Variants in KLF5 observed in about 807,000 individuals in gnomAD.
KLF5 encodes KLF transcription factor 5.
A neutral mutation model predicts 36.9 loss-of-function variants in KLF5; 9 were observed. That is an observed-to-expected ratio of 0.24 (90% CI 0.15 to 0.43). KLF5 has a LOEUF of 0.43. KLF5 is among the 20% of genes least tolerant of loss of function. The pLI is 1.00. For synonymous variants in KLF5, 246 were observed against 241.7 expected, an observed-to-expected ratio of 1.02 and a Z score of -0.17; for missense variants, 524 against 599.5, an observed-to-expected ratio of 0.87 and a Z score of 1.31.
At position 73,075,925 on chromosome 13, in the gene KLF5, C is replaced by T. The variant is rs1449131505; in HGVS notation, c.*39C>T. ...GACCCGTTCCAGGTCCCCTGGGCTC[C>T]CTCAAATGACAGACCTAACTATTCC... On this transcript the variant is annotated 3_prime_UTR_variant, in exon 4 of 4. Transcript: ENST00000377687. The T allele has an allele frequency of 1.4e-6, 2 of 1,459,662 alleles. No individual in the cohort carries two copies. Among genetic ancestry groups the T allele is most frequent in the East Asian group, 2.4e-5 (1 of 41,268 alleles). The allele number at this position is 1,459,662 out of a possible 1,614,324, so 90.4% of individuals were successfully genotyped here.
chr13:73,059,745 C>A, intron 1 of KLF5, 157 bp downstream of exon 1: 1 of 667,586 alleles, frequency 1.5e-6, no homozygotes, highest in Non-Finnish European at 1.8e-6. Context: ...GCACGCCTGG[C>A]CGGGGCCCCG....
chr13:73,062,800 C>T (rs2044648978), intron 2 of KLF5, 66 bp downstream of exon 2: 80 of 1,379,394 alleles, frequency 5.8e-5, no homozygotes, highest in Non-Finnish European at 7.4e-5. Context: ...TCTGTGTGCG[C>T]GCGCGTGTGC....
Position 73,059,320 on chromosome 13 carries a change from G to A in KLF5, c.-8G>A, listed in dbSNP as rs1026970659. The A allele has an allele frequency of 8.7e-6, 12 of 1,373,884 alleles. No individual in the cohort carries two copies. The highest frequency in any genetic ancestry group is 1.1e-5 in the Non-Finnish European group (12 of 1,063,316). The allele number at this position is 1,373,884 out of a possible 1,614,324, so 85.1% of individuals were successfully genotyped here. ...GACCCGCGCCTGGAGCTGCGCCCCC[G>A]AGTGCCCATGGCTACAAGGGTGCTG... On this transcript the variant is annotated 5_prime_UTR_variant, in exon 1 of 4. Transcript: ENST00000377687.
chr13:73,075,892 GC>G lies in KLF5; in HGVS notation c.*9del. ...TGAAGAGGCACCAGAACTGAGCACTGCCCGTGTGACCCGTTCCAGGTCCCCT... is the reference window on the plus strand; with the variant it reads ...TGAAGAGGCACCAGAACTGAGCACTGCCGTGTGACCCGTTCCAGGTCCCCT... On this transcript the variant is annotated 3_prime_UTR_variant, in exon 4 of 4. Transcript: ENST00000377687. The G allele has an allele frequency of 6.4e-7, 1 of 1,556,624 alleles. No homozygotes were observed. The highest frequency in any genetic ancestry group is 1.7e-5 in the Admixed American group (1 of 58,928).
intron 1 of KLF5, among the ~76,000 whole-genome samples, chr13:73,060,368 A>G (rs1261600901): frequency 6.6e-6 from 1 of 152,138 alleles, no homozygotes; most frequent in African/African-American, 2.4e-5. Context: ...AAGGAAAAAA[A>G]AATTGGAAAC....
chr13:73,070,529 A>C (rs1566566026), intron 3 of KLF5, among the ~76,000 whole-genome samples: 1 of 152,216 alleles, frequency 6.6e-6, no homozygotes, highest in East Asian at 1.9e-4. Context: ...CTGGGAACCC[A>C]GAGGAGAAGT....
chr13:73,057,594 A>G (rs1052376494), upstream of KLF5, among the ~76,000 whole-genome samples: 13 of 152,196 alleles, frequency 8.5e-5, no homozygotes, highest in Admixed American at 7.2e-4. Context: ...ACATTTCTTT[A>G]TGTGCATATT....
intron 3 of KLF5, among the ~76,000 whole-genome samples, chr13:73,072,140 A>G (rs532678227): frequency 6.6e-6 from 1 of 152,292 alleles, no homozygotes; most frequent in South Asian, 2.1e-4. Context: ...TTTTAGGGAA[A>G]GGCCTTGGTA....
intron 3 of KLF5, chr13:73,075,149 G>A (rs2044750309): frequency 6.6e-6 from 1 of 152,234 alleles, no homozygotes; most frequent in Admixed American, 6.5e-5. Context: ...ACTGATTGAT[G>A]AGCTGCAAGC....
At chr13:73,061,164 C>T (rs2044632370) in intron 1 of KLF5, among the ~76,000 whole-genome samples, 1 of 152,134 alleles carries the variant, frequency 6.6e-6, no homozygotes, top group Non-Finnish European at 1.5e-5. Flanking sequence ...TGAATAGGAA[C>T]ATTTCATTAT....
rs374439079 is a variant in KLF5, at chr13:73,062,123, C to T, written c.524C>T (p.Thr175Met). The change falls in exon 2 of 4, where the codon ACG (threonine) becomes ATG (methionine). Residue 175 changes from threonine (T) to methionine (M), a missense_variant. By Grantham distance (81) the Thr-to-Met change is moderately conservative (BLOSUM62 -1). This residue lies in a region of KLF5 where 454 missense variants were observed against 458.1 expected (regional missense o/e 0.99). Coordinates refer to ENST00000377687, the MANE Select transcript of KLF5 (RefSeq NM_001730.5). ...PVAIFSHQSE[T>M]TAPPPAPTQA... The stretch of plus-strand genomic sequence containing the variant: ...GCCATTTTCAGCCACCAGAGTGAAA[C>T]GACTGCCCCTCCTCCGGCCCCGACC... The T allele has an allele frequency of 1.2e-6, 2 of 1,614,068 alleles. No individual in the cohort carries two copies. The highest frequency in any genetic ancestry group is 1.7e-6 in the Non-Finnish European group (2 of 1,180,010).
At chr13:73,059,672 G>A in intron 1 of KLF5, 84 bp downstream of exon 1, 1 of 1,034,776 alleles carries the variant, frequency 9.7e-7, no homozygotes, top group Non-Finnish European at 1.2e-6. Context: ...GACAGGGGCC[G>A]CTCCAGGCTG....
intron 3 of KLF5, among the ~76,000 whole-genome samples, chr13:73,072,995 T>C (rs2139117535): frequency 6.6e-6 from 1 of 152,364 alleles, no homozygotes; most frequent in East Asian, 1.9e-4. Context: ...GTTAACAGCA[T>C]GAGAACTTAA....
chr13:73,061,180 T>G (rs2044632513), intron 1 of KLF5, among the ~76,000 whole-genome samples: 1 of 152,236 alleles, frequency 6.6e-6, no homozygotes, highest in Non-Finnish European at 1.5e-5. Context: ...ATTATCATAT[T>G]AACCAATTAC....
At chr13:73,059,870 C>A in intron 1 of KLF5, 1 of 934,094 alleles carries the variant, frequency 1.1e-6, no homozygotes, top group Non-Finnish European at 1.3e-6. Context: ...TGCTCACGCG[C>A]ACCTTAGTTG....
At chr13:73,068,696 T>G (rs1594396794) in intron 3 of KLF5, among the ~76,000 whole-genome samples, 1 of 104,396 alleles carries the variant, frequency 9.6e-6, no homozygotes, top group African/African-American at 3.7e-5. Context: ...AGAGTGAGAC[T>G]CCATCTCAAA....
At chr13:73,073,928 G>A (rs1382913675) in intron 3 of KLF5, among the ~76,000 whole-genome samples, 1 of 152,134 alleles carries the variant, frequency 6.6e-6, no homozygotes, top group Non-Finnish European at 1.5e-5. Flanking sequence ...TAAATTTCTG[G>A]TTAGAATCTA....
chr13:73,058,104 G>A (rs28575918), upstream of KLF5, among the ~76,000 whole-genome samples: 1 of 152,120 alleles, frequency 6.6e-6, no homozygotes, highest in Non-Finnish European at 1.5e-5. Context: ...TCCATTTTTT[G>A]AACATACAGT....
chr13:73,068,165 G>T (rs780305293), intron 3 of KLF5, among the ~76,000 whole-genome samples: 75 of 152,114 alleles, frequency 4.9e-4, no homozygotes, highest in Non-Finnish European at 9.4e-4. Flanking sequence ...TTAAAGCACT[G>T]TGTTCAAGAT....
Sources: gnomAD v4.1 joint callset for allele counts (sites outside exome capture counted in the v4.1 genomes callset) on GRCh38, gnomAD v4.1.1 for gene constraint, gnomAD v4.1.1 regional missense constraint, MANE v1.5 for transcripts, NCBI Gene and HGNC (gene_info 2026-07-23, HGNC 2026-07-21) for gene names.